Variants in PAPSS2 observed in about 807,000 individuals in gnomAD.
The protein encoded by PAPSS2 is bifunctional 3'-phosphoadenosine 5'-phosphosulfate synthase 2.
PAPSS2 carries 61 observed loss-of-function variants against 66.5 expected under a neutral mutation model. The ratio of observed to expected loss-of-function variants is 0.92; its 90% CI spans 0.75 to 1.14. The LOEUF is 1.14. Among genes scored for constraint, PAPSS2 ranks in the 50% most tolerant of loss-of-function variants. The pLI is 0.00. For missense variants in PAPSS2, 708 were observed against 789.6 expected (o/e 0.90, Z 1.24); for synonymous variants, 289 against 287.5 (o/e 1.01, Z -0.05).
Position 87,727,881 on chromosome 10 carries a change from T to A in PAPSS2, c.1086+392T>A, listed in dbSNP as rs192623747. ...TGCGCAAGGAACATAAGTATCTTCATAAAGAATGGACCCAACCAAATGCTG... is the reference window on the plus strand; with the variant it reads ...TGCGCAAGGAACATAAGTATCTTCAAAAAGAATGGACCCAACCAAATGCTG... On this transcript the variant is annotated intron_variant, in intron 9 of 12. Coordinates refer to ENST00000456849, the MANE Select transcript of PAPSS2 (RefSeq NM_001015880.2). Among the ~76,000 whole-genome samples the A allele has an allele frequency of 3.3e-3, 505 of 152,288 alleles. 6 individuals are homozygous for A. The Middle Eastern group carries it at 0.075, about 23-fold the overall frequency.
chr10:87,707,737 T>C (rs1174848497), intron 1 of PAPSS2, among the ~76,000 whole-genome samples: 1 of 151,836 alleles, frequency 6.6e-6, no homozygotes, highest in African/African-American at 2.4e-5. Flanking sequence ...GCCTGGCTAA[T>C]ATGTTTTTAT....
intron 9 of PAPSS2, among the ~76,000 whole-genome samples, chr10:87,734,032 G>T (rs1853762091): frequency 6.6e-6 from 1 of 152,074 alleles, no homozygotes; most frequent in Admixed American, 6.6e-5. Flanking sequence ...TCTTGGGTCA[G>T]GACATTTCAA....
intron 1 of PAPSS2, among the ~76,000 whole-genome samples, chr10:87,676,080 A>G (rs1197214824): frequency 1.9e-4 from 25 of 133,646 alleles, no homozygotes; most frequent in Non-Finnish European, 1.1e-4. Context: ...TCCATGAGGA[A>G]TGTAGCTGGA....
chr10:87,707,555 C>CT (rs1233023533), intron 1 of PAPSS2, among the ~76,000 whole-genome samples: 10 of 127,754 alleles, frequency 7.8e-5, no homozygotes, highest in East Asian at 2.3e-4. Context: ...GTTTTCATTT[C>CT]TTTTTTTTCT....
chr10:87,717,251 G>C (rs755631185), intron 7 of PAPSS2, among the ~76,000 whole-genome samples: 4 of 152,226 alleles, frequency 2.6e-5, no homozygotes, highest in Non-Finnish European at 5.9e-5. Flanking sequence ...GGTTGATTTT[G>C]AGCATATGAA....
intron 9 of PAPSS2, among the ~76,000 whole-genome samples, chr10:87,730,374 G>A (rs998212246): frequency 6.6e-6 from 1 of 152,186 alleles, no homozygotes; most frequent in Non-Finnish European, 1.5e-5. Context: ...ATCAGGTTAC[G>A]CTGGTAAGAC....
intron 1 of PAPSS2, among the ~76,000 whole-genome samples, chr10:87,675,704 G>A (rs930450685): frequency 3.9e-5 from 6 of 152,192 alleles, no homozygotes; most frequent in Non-Finnish European, 2.9e-5. Flanking sequence ...AGATTACGTA[G>A]TCCAGTTTTT....
intron 1 of PAPSS2, 46 bp from the exon 2 acceptor site, chr10:87,709,150 G>C (rs895222818): frequency 8.2e-7 from 1 of 1,225,330 alleles, no homozygotes; most frequent in South Asian, 1.2e-5. Flanking sequence ...TGAAGAATAT[G>C]TGTTTTATTA....
chr10:87,682,600 A>AG, intron 1 of PAPSS2, among the ~76,000 whole-genome samples: 1 of 152,174 alleles, frequency 6.6e-6, no homozygotes, highest in Middle Eastern at 3.4e-3. Flanking sequence ...GAAAGAGGTT[A>AG]GAAAAAAAAA....
chr10:87,737,489 A>C (rs1043021507), intron 9 of PAPSS2, among the ~76,000 whole-genome samples: 1 of 152,154 alleles, frequency 6.6e-6, no homozygotes, highest in Non-Finnish European at 1.5e-5. Context: ...AATCTCCAGA[A>C]CTTTGTCATC....
chr10:87,727,357 C>T lies in PAPSS2; in HGVS notation c.954C>T (p.Cys318=), dbSNP rs1853672232. Residue 318 remains cysteine (C), a synonymous_variant, in exon 9 of 13, where the codon TGC becomes TGT. Transcript: ENST00000456849. Reference sequence around the variant, plus strand: ...AGGATAAGACACGGCTGGAAGGGTGCAGCAAGTTTGTCCTGGCACATGGTG... The same window carrying T: ...AGGATAAGACACGGCTGGAAGGGTGTAGCAAGTTTGTCCTGGCACATGGTG... ...SAEDKTRLEG[C]SKFVLAHGGR... The T allele has an allele frequency of 3.7e-6, 6 of 1,614,026 alleles. No homozygotes were observed. Among genetic ancestry groups the T allele is most frequent in the Non-Finnish European group, 5.1e-6 (6 of 1,179,958 alleles).
At chr10:87,729,771 C>T (rs997447741) in intron 9 of PAPSS2, among the ~76,000 whole-genome samples, 2 of 152,050 alleles carry the variant, frequency 1.3e-5, no homozygotes, top group Non-Finnish European at 2.9e-5. Flanking sequence ...CCAGGGTGGG[C>T]GGATCACTTG....
chr10:87,741,245 A>G lies in PAPSS2; in HGVS notation c.1097A>G (p.Glu366Gly). Residue 366 changes from glutamate (E) to glycine (G), a missense_variant, in exon 10 of 13, where the codon GAA (glutamate) becomes GGA (glycine). Glu to Gly is a moderately conservative substitution (Grantham distance 98). Coordinates refer to ENST00000456849, the MANE Select transcript of PAPSS2 (RefSeq NM_001015880.2). ...CAATGTTCTTTCTAGATGGTGATGG[A>G]AAGTGGGGACTGGCTGGTTGGTGGA... ...TKHPHIKMVM[E>G]SGDWLVGGDL... The G allele has an allele frequency of 6.2e-7, 1 of 1,613,792 alleles. No individual in the cohort carries two copies. Among genetic ancestry groups the G allele is most frequent in the Non-Finnish European group, 8.5e-7 (1 of 1,179,664 alleles).
At chr10:87,690,220 A>T (rs1284481865) in intron 1 of PAPSS2, among the ~76,000 whole-genome samples, 1 of 152,236 alleles carries the variant, frequency 6.6e-6, no homozygotes. Flanking sequence ...CTAGTTAAAT[A>T]TATATTCATA....
chr10:87,730,786 C>T (rs1329560860), intron 9 of PAPSS2, among the ~76,000 whole-genome samples: 1 of 152,178 alleles, frequency 6.6e-6, no homozygotes, highest in African/African-American at 2.4e-5. Context: ...GAGCAAAGCC[C>T]TAACTCCCTT....
In PAPSS2 at chr10:87,676,872, CAAAAAAAAAAAAAAAAAAAAAA is replaced by C. The variant is rs71019493; in HGVS notation, c.27+16882_27+16903del. Among the ~76,000 whole-genome samples the C allele has an allele frequency of 6.1e-4, 19 of 31,368 alleles. No individual in the cohort carries two copies. The South Asian group carries it at 0.014, about 22-fold the overall frequency. The allele number at this position is 31,368 out of a possible 152,430, so 20.6% of individuals were successfully genotyped here. A position where few individuals can be genotyped will look rare whatever the true frequency, so the allele number is the denominator to read the frequency against. On this transcript the variant is annotated intron_variant, in intron 1 of 12. Transcript: ENST00000456849. The stretch of plus-strand genomic sequence containing the variant: ...TGGATGACAGAATGAGACCCTGTCT[CAAAAAAAAAAAAAAAAAAAAAA>C]AAAAAAAAAAAAAAAAAGGCCGGAT...
In PAPSS2 at chr10:87,666,870, CTGA is replaced by C. The variant is rs1852821959; in HGVS notation, c.27+6863_27+6865del. ...GGACTTGGAGGAGCTCTGGGGGCTG[CTGA>C]AACCCACCCTCTTTTCCTCTGAGAT... is the stretch of plus-strand genomic sequence containing the variant. On this transcript the variant is annotated intron_variant, in intron 1 of 12. Coordinates refer to ENST00000456849, the MANE Select transcript of PAPSS2 (RefSeq NM_001015880.2). Among the ~76,000 whole-genome samples the C allele has an allele frequency of 2.6e-5, 4 of 152,124 alleles. No individual in the cohort carries two copies. In the South Asian group the frequency reaches 8.3e-4, roughly 32 times the overall value.
chr10:87,721,619 A>T, intron 7 of PAPSS2, 137 bp from the exon 8 acceptor site: 1 of 623,656 alleles, frequency 1.6e-6, no homozygotes, highest in South Asian at 2.3e-5. Flanking sequence ...TTTTAAAAAT[A>T]GCATGACAAA....
At chr10:87,711,935 C>T (rs1466164651) in intron 2 of PAPSS2, among the ~76,000 whole-genome samples, 1 of 152,068 alleles carries the variant, frequency 6.6e-6, no homozygotes, top group Non-Finnish European at 1.5e-5. Flanking sequence ...GACAAAGATC[C>T]TAAAATCCTA....
Sources: allele counts gnomAD v4.1 joint callset (sites outside exome capture counted in the v4.1 genomes callset), GRCh38; gene constraint gnomAD v4.1.1; transcripts MANE v1.5; gene names NCBI Gene and HGNC (gene_info 2026-07-23, HGNC 2026-07-21).